The following CRACDL variants were observed in gnomAD, a reference collection of about 807,000 sequenced individuals.
CRACDL encodes the protein CRACD like.
A neutral mutation model predicts 70.6 loss-of-function variants in CRACDL; 26 were observed. The ratio of observed to expected loss-of-function variants is 0.37; its 90% CI spans 0.27 to 0.51. The LOEUF (loss-of-function observed/expected upper bound fraction) is 0.51. Among genes scored for constraint, CRACDL ranks in the 20% least tolerant of loss-of-function variants. The probability of loss-of-function intolerance (pLI) is 0.94; values close to 1 mark genes in which losing one functional copy is unlikely to be tolerated. For missense variants in CRACDL, 1,283 were observed against 1,376.9 expected, an observed-to-expected ratio of 0.93 and a Z score of 1.08; for synonymous variants, 618 against 615.2, an observed-to-expected ratio of 1.00 and a Z score of -0.07.
chr2:98,797,594 C>G (rs547606478), intron 7 of CRACDL, 57 bp from the exon 8 acceptor site: 160 of 1,530,538 alleles, frequency 1.0e-4, no homozygotes, highest in Non-Finnish European at 1.3e-4. Flanking sequence ...TCGGTTGCAC[C>G]CTTTGTGTCT....
At chr2:98,804,201 G>A (rs1322295727) in intron 7 of CRACDL, among the ~76,000 whole-genome samples, 1 of 152,178 alleles carries the variant, frequency 6.6e-6, no homozygotes, top group East Asian at 1.9e-4. Context: ...AGCATTTTGA[G>A]ACTGAGCAAG....
intron 7 of CRACDL, among the ~76,000 whole-genome samples, chr2:98,799,427 C>G (rs1340232776): frequency 6.6e-6 from 1 of 152,110 alleles, no homozygotes; most frequent in Non-Finnish European, 1.5e-5. Context: ...AGGACCTCCC[C>G]TGGCCCTGGC....
At chr2:98,921,817 G>A (rs2104694118) in intron 1 of CRACDL, among the ~76,000 whole-genome samples, 1 of 152,186 alleles carries the variant, frequency 6.6e-6, no homozygotes, top group East Asian at 1.9e-4. Context: ...CAAGCCACCG[G>A]CCAGCCCCTC....
chr2:98,863,972 T>G (rs949281038), intron 1 of CRACDL, among the ~76,000 whole-genome samples: 3 of 152,156 alleles, frequency 2.0e-5, no homozygotes, highest in Non-Finnish European at 4.4e-5. Context: ...CAAAAAGAGT[T>G]CTGGGGGTGG....
chr2:98,896,019 G>A (rs1324782141), intron 1 of CRACDL, among the ~76,000 whole-genome samples: 1 of 152,278 alleles, frequency 6.6e-6, no homozygotes, highest in East Asian at 1.9e-4. Flanking sequence ...CCGGCCTCCA[G>A]GACTGTGAGC....
chr2:98,804,728 G>A (rs562275448), intron 7 of CRACDL, among the ~76,000 whole-genome samples: 16 of 152,290 alleles, frequency 1.1e-4, no homozygotes, highest in African/African-American at 3.1e-4. Context: ...TTACAGTGCC[G>A]TTGGCTGTGT....
intron 1 of CRACDL, among the ~76,000 whole-genome samples, chr2:98,911,123 G>A (rs755865964): frequency 5.9e-5 from 9 of 152,172 alleles, no homozygotes; most frequent in East Asian, 1.9e-4. Flanking sequence ...CCCCACGCCC[G>A]TGCTCCTGCT....
intron 1 of CRACDL, among the ~76,000 whole-genome samples, chr2:98,854,588 C>A (rs1482382568): frequency 6.6e-6 from 1 of 151,950 alleles, no homozygotes; most frequent in African/African-American, 2.4e-5. Context: ...AAAAATAAAA[C>A]CACTTGTATC....
At chr2:98,838,076 T>C in intron 3 of CRACDL, 43 bp downstream of exon 3, 1 of 1,525,656 alleles carries the variant, frequency 6.6e-7, no homozygotes, top group Non-Finnish European at 8.9e-7. Flanking sequence ...TGAAATCATG[T>C]ATTTAGGTGC....
chr2:98,854,629 T>C (rs914369112), intron 1 of CRACDL, among the ~76,000 whole-genome samples: 1 of 152,074 alleles, frequency 6.6e-6, no homozygotes, highest in Non-Finnish European at 1.5e-5. Flanking sequence ...TAGAACCCAA[T>C]AAATGAAATG....
intron 1 of CRACDL, among the ~76,000 whole-genome samples, chr2:98,903,301 T>C (rs1018810596): frequency 6.6e-6 from 1 of 151,794 alleles, no homozygotes; most frequent in Admixed American, 6.6e-5. Flanking sequence ...TCACACCGAG[T>C]GCGTTCACTG....
intron 2 of CRACDL, among the ~76,000 whole-genome samples, chr2:98,844,324 T>C (rs1418533772): frequency 6.6e-5 from 10 of 152,234 alleles, no homozygotes; most frequent in African/African-American, 2.2e-4. Context: ...GTTTTAAAAC[T>C]TTTTTATTAT....
intron 1 of CRACDL, among the ~76,000 whole-genome samples, chr2:98,875,481 G>C (rs2104605528): frequency 2.6e-5 from 4 of 152,356 alleles, no homozygotes; most frequent in Admixed American, 2.6e-4. Context: ...GTATGGGTGT[G>C]ATGAGACAGG....
At chr2:98,847,512 A>G (rs1426105457) in intron 1 of CRACDL, among the ~76,000 whole-genome samples, 1 of 152,146 alleles carries the variant, frequency 6.6e-6, no homozygotes, top group Non-Finnish European at 1.5e-5. Flanking sequence ...TCCCACTCCT[A>G]TGAGGTGATT....
chr2:98,854,067 A>T (rs1283515723), intron 1 of CRACDL, among the ~76,000 whole-genome samples: 2 of 152,084 alleles, frequency 1.3e-5, no homozygotes, highest in African/African-American at 4.8e-5. Context: ...GTGGATCACG[A>T]GGTCAGGAGT....
intron 1 of CRACDL, among the ~76,000 whole-genome samples, chr2:98,881,036 T>C (rs755911146): frequency 8.5e-5 from 13 of 152,246 alleles, no homozygotes; most frequent in Middle Eastern, 3.4e-3. Flanking sequence ...ACTGCAGGGC[T>C]CCTAGTGGCT....
chr2:98,928,115 G>A (rs781213256), intron 1 of CRACDL, among the ~76,000 whole-genome samples: 1 of 151,946 alleles, frequency 6.6e-6, no homozygotes, highest in African/African-American at 2.4e-5. Flanking sequence ...AACCCAGGAG[G>A]TGGAGGTTGC....
At chr2:98,843,054 T>A (rs1044624989) in intron 2 of CRACDL, among the ~76,000 whole-genome samples, 3 of 152,168 alleles carry the variant, frequency 2.0e-5, no homozygotes, top group Non-Finnish European at 4.4e-5. Context: ...TGCATCCTTA[T>A]CAGCTCCTGT....
intron 5 of CRACDL, among the ~76,000 whole-genome samples, chr2:98,828,036 T>G (rs1339509022): frequency 1.3e-5 from 2 of 152,216 alleles, no homozygotes; most frequent in Non-Finnish European, 2.9e-5. Context: ...TTTTACTCAT[T>G]TATACTTCAG....
Sources: gnomAD v4.1 joint callset for allele counts (sites outside exome capture counted in the v4.1 genomes callset) on GRCh38, gnomAD v4.1.1 for gene constraint, MANE v1.5 for transcripts, NCBI Gene and HGNC (gene_info 2026-07-23, HGNC 2026-07-21) for gene names.